TENM2: variants seen among roughly 807,000 people sequenced by gnomAD.
TENM2 encodes teneurin-2.
A neutral mutation model predicts 245.2 loss-of-function variants in TENM2; 52 were observed. The ratio of observed to expected loss-of-function variants is 0.21; its 90% CI spans 0.17 to 0.27. TENM2 has a LOEUF of 0.27. TENM2 is among the 10% of genes least tolerant of loss of function. The pLI is 1.00. For missense variants in TENM2, 3,046 were observed against 3,666.8 expected (o/e 0.83, Z 4.37); for synonymous variants, 1,363 against 1,438.9 (o/e 0.95, Z 1.19).
At chr5:167,129,707 G>A in the TENM2 span, among the ~76,000 whole-genome samples, 2,207 of 152,246 alleles carry the variant, frequency 0.014, 60 homozygotes, top group African/African-American at 0.05. Context: ...TAGAGAGTGT[G>A]CAAGAAAATA....
intron 2 of TENM2, among the ~76,000 whole-genome samples, chr5:167,632,204 A>G (rs546370159): frequency 1.3e-5 from 2 of 152,284 alleles, no homozygotes; most frequent in African/African-American, 4.8e-5. Flanking sequence ...CTTCCTGTTG[A>G]GTTGGGCTTG....
At chr5:167,938,015 AACCTTGCAAAG>A (rs1228478030) in intron 3 of TENM2, 1 of 152,284 alleles carries the variant, frequency 6.6e-6, no homozygotes, top group African/African-American at 2.4e-5. Context: ...TCTGACTCTG[AACCTTGCAAAG>A]AAAGCAATTC....
rs115839061 is a variant in TENM2, at chr5:167,391,879, T to C, written c.502+16406T>C. Among the ~76,000 whole-genome samples the C allele has an allele frequency of 5.5e-3, 843 of 152,032 alleles. 10 individuals are homozygous for C. The highest frequency in any genetic ancestry group is 0.02 in the African/African-American group (812 of 41,484). ...ATCAGCAGCATAGGAGTGGCCCATA[T>C]ATATCCAGGAAAGTAGATGAGCTTA... On this transcript the variant is annotated intron_variant, in intron 2 of 28. Transcript: ENST00000518659.
At chr5:167,312,315 A>G (rs1756082397) in intron 1 of TENM2, among the ~76,000 whole-genome samples, 1 of 152,186 alleles carries the variant, frequency 6.6e-6, no homozygotes, top group Non-Finnish European at 1.5e-5. Context: ...ATGTGTTTTA[A>G]TCAGGTGACC....
At chr5:167,489,211 C>T (rs1768274916) in intron 2 of TENM2, among the ~76,000 whole-genome samples, 1 of 152,192 alleles carries the variant, frequency 6.6e-6, no homozygotes, top group Admixed American at 6.5e-5. Context: ...TATTTCAAAT[C>T]CTTGCAATGG....
chr5:167,346,240 T>G (rs1027299158), intron 1 of TENM2, among the ~76,000 whole-genome samples: 4 of 152,208 alleles, frequency 2.6e-5, no homozygotes, highest in African/African-American at 9.7e-5. Context: ...ACAAGATGCA[T>G]TTATTACATT....
chr5:167,116,118 A>C, the TENM2 span, among the ~76,000 whole-genome samples: 1 of 152,240 alleles, frequency 6.6e-6, no homozygotes, highest in Non-Finnish European at 1.5e-5. Context: ...GCAGATGCCA[A>C]AATGGGATTG....
At chr5:167,346,524 T>C (rs1758465548) in intron 1 of TENM2, among the ~76,000 whole-genome samples, 1 of 152,216 alleles carries the variant, frequency 6.6e-6, no homozygotes, top group Admixed American at 6.5e-5. Context: ...TATTGGTAAA[T>C]AGGCAAAATA....
the TENM2 span, among the ~76,000 whole-genome samples, chr5:167,147,935 C>T: frequency 2.6e-5 from 4 of 152,062 alleles, no homozygotes; most frequent in Non-Finnish European, 4.4e-5. Context: ...TAGAGGAGAA[C>T]GATTTCTGAC....
At chr5:168,010,504 G>A (rs543940822) in intron 5 of TENM2, among the ~76,000 whole-genome samples, 3 of 152,330 alleles carry the variant, frequency 2.0e-5, no homozygotes, top group African/African-American at 7.2e-5. Context: ...TCTCCCTCAA[G>A]TTCTGCCCTC....
chr5:167,057,015 T>G, the TENM2 span, among the ~76,000 whole-genome samples: 3 of 152,016 alleles, frequency 2.0e-5, no homozygotes, highest in Admixed American at 2.0e-4. Context: ...TATTCTGTTC[T>G]TTTTTTCCAT....
At chr5:167,065,526 C>T in the TENM2 span, among the ~76,000 whole-genome samples, 3 of 151,908 alleles carry the variant, frequency 2.0e-5, no homozygotes, top group Admixed American at 6.6e-5. Context: ...AGACACACAA[C>T]GTGTATGAGT....
chr5:167,923,395 C>T (rs765968551), intron 3 of TENM2, among the ~76,000 whole-genome samples: 4 of 152,014 alleles, frequency 2.6e-5, no homozygotes, highest in Non-Finnish European at 5.9e-5. Context: ...AAGCACACCA[C>T]CTGGTCTACC....
chr5:167,253,644 G>A, the TENM2 span, among the ~76,000 whole-genome samples: 1 of 152,016 alleles, frequency 6.6e-6, no homozygotes, highest in Non-Finnish European at 1.5e-5. Flanking sequence ...TGATGTTTTA[G>A]CATCTATAAA....
At chr5:167,929,059 G>GAGAAAAAGAAAGAA (rs1252622171) in intron 3 of TENM2, among the ~76,000 whole-genome samples, 111 of 77,510 alleles carry the variant, frequency 1.4e-3, no homozygotes, top group Middle Eastern at 6.8e-3. Flanking sequence ...GAAAGAAAGA[G>GAGAAAAAGAAAGAA]AGAAAGAAAG....
At chr5:167,842,780 A>G (rs963742716) in intron 2 of TENM2, among the ~76,000 whole-genome samples, 1 of 152,028 alleles carries the variant, frequency 6.6e-6, no homozygotes. Flanking sequence ...GTGTCAAGCT[A>G]CTATAGAAGT....
chr5:167,083,909 C>T, the TENM2 span, among the ~76,000 whole-genome samples: 7 of 152,204 alleles, frequency 4.6e-5, no homozygotes, highest in Non-Finnish European at 1.0e-4. Flanking sequence ...TGTGTGTGTG[C>T]ATGCATGTGT....
chr5:168,253,458 C>G (rs1247059838), intron 27 of TENM2, among the ~76,000 whole-genome samples: 2 of 143,088 alleles, frequency 1.4e-5, no homozygotes, highest in Non-Finnish European at 3.0e-5. Context: ...CAGAGTCTCA[C>G]TCTGTCGCCC....
At chr5:166,988,088 C>T in the TENM2 span, among the ~76,000 whole-genome samples, 8 of 152,174 alleles carry the variant, frequency 5.3e-5, no homozygotes, top group Admixed American at 2.0e-4. Flanking sequence ...GAGTGCTTGG[C>T]GGCACTGACC....
Sources: allele counts gnomAD v4.1 joint callset (sites outside exome capture counted in the v4.1 genomes callset), GRCh38; gene constraint gnomAD v4.1.1; transcripts MANE v1.5; gene names NCBI Gene and HGNC (gene_info 2026-07-23, HGNC 2026-07-21).